The following DENND4A variants were observed in gnomAD, a reference collection of about 807,000 sequenced individuals.
DENND4A encodes the protein DENN domain containing 4A, also known as C-myc promoter-binding protein.
In DENND4A, 70 loss-of-function variants were observed where a neutral mutation model predicts 199.3. The ratio of observed to expected loss-of-function variants is 0.35; its 90% CI spans 0.29 to 0.43. The LOEUF is 0.43. Among genes scored for constraint, DENND4A ranks in the 20% least tolerant of loss-of-function variants. The pLI is 1.00. For synonymous variants in DENND4A, 686 were observed against 766.9 expected (o/e 0.89, Z 1.74); for missense variants, 1,723 against 2,255.8 (o/e 0.76, Z 4.78).
Position 65,702,393 on chromosome 15 carries a change from T to A in DENND4A, c.2342A>T (p.Lys781Ile). The change falls in exon 17 of 33, where the codon AAA becomes ATA. Residue 781 changes from lysine (K) to isoleucine (I), a missense_variant. Physicochemically the swap from Lys to Ile is moderately radical, Grantham distance 102 (BLOSUM62 -3). Around this residue, in one of 6 missense-constraint regions of DENND4A, gnomAD observed 725 missense variants for 952.9 expected, o/e 0.76. Transcript: ENST00000443035. Reference sequence around the variant, plus strand: ...AGCCCTGACTTTTGAATGACAGACTTTCACATAAGCTGGGAGACAAATAAA... The same window carrying A: ...AGCCCTGACTTTTGAATGACAGACTATCACATAAGCTGGGAGACAAATAAA... ...LWFICLPAYVKVCHSKVRALK... is the reference protein window; with the variant it reads ...LWFICLPAYVIVCHSKVRALK... 1.9e-6 allele frequency: 3 copies of A among 1,564,126 alleles called. No individual in the cohort carries two copies. Among genetic ancestry groups the A allele is most frequent in the Non-Finnish European group, 2.6e-6 (3 of 1,153,820 alleles).
chr15:65,761,513 T>G (rs2140756106), intron 1 of DENND4A, 75 bp from the exon 2 acceptor site: 1 of 152,356 alleles, frequency 6.6e-6, no homozygotes, highest in Admixed American at 6.5e-5. Context: ...CTGTGGATAC[T>G]TAAAGTTCTG....
At chr15:65,744,500 CAG>C (rs760287571) in intron 4 of DENND4A, among the ~76,000 whole-genome samples, 1 of 152,128 alleles carries the variant, frequency 6.6e-6, no homozygotes. Flanking sequence ...ATCATCTTAT[CAG>C]AGAGTCTTCC....
In DENND4A at chr15:65,702,374, G is replaced by C; in HGVS notation, c.2361C>G (p.Val787=). 2 of 1,556,218 alleles carry C rather than the reference G, an allele frequency of 1.3e-6. No homozygotes were observed. The highest frequency in any genetic ancestry group is 8.7e-7 in the Non-Finnish European group (1 of 1,149,522). ...PAYVKVCHSK[V]RALKTAYDVL... is the part of the protein sequence containing the mutation. ...CATCATATGCTGTTTTCAGAGCCCTGACTTTTGAATGACAGACTTTCACAT... is the reference window on the plus strand; with the variant it reads ...CATCATATGCTGTTTTCAGAGCCCTCACTTTTGAATGACAGACTTTCACAT... The change falls in exon 17 of 33, where the codon GTC becomes GTG. Residue 787 remains valine (V), a synonymous_variant. Transcript: ENST00000443035.
chr15:65,782,114 T>C (rs2077451017), intron 1 of DENND4A, among the ~76,000 whole-genome samples: 1 of 152,208 alleles, frequency 6.6e-6, no homozygotes, highest in African/African-American at 2.4e-5. Context: ...ACTGAGATAG[T>C]AGGTGACTGT....
chr15:65,757,268 G>C lies in DENND4A; in HGVS notation c.-22-796C>G, dbSNP rs144595944. The stretch of plus-strand genomic sequence containing the variant: ...TTGTTTTATTCTTCTGAGATGGGGG[G>C]GGGGGGGTCTCACTATGTTGCCCAG... On this transcript the variant is annotated intron_variant, in intron 2 of 32. Transcript: ENST00000443035. 6.2e-3 allele frequency among the ~76,000 whole-genome samples: 923 copies of C among 148,644 alleles called. 15 individuals carry two copies. The highest frequency in any genetic ancestry group is 0.021 in the Middle Eastern group (6 of 290).
chr15:65,670,438 G>T (rs903136162), intron 25 of DENND4A, among the ~76,000 whole-genome samples: 2 of 152,142 alleles, frequency 1.3e-5, no homozygotes, highest in Non-Finnish European at 2.9e-5. Context: ...AGAGTAAAAT[G>T]TGCTGTGGTT....
chr15:65,706,501 TA>T (rs2075061993), intron 14 of DENND4A, among the ~76,000 whole-genome samples: 1 of 138,562 alleles, frequency 7.2e-6, no homozygotes, highest in South Asian at 2.6e-4. Flanking sequence ...CACACATATA[TA>T]TATATATTTT....
chr15:65,667,528 C>G lies in DENND4A; in HGVS notation c.5162G>C (p.Trp1721Ser). ...HHPIVFWNLV[W>S]YFRRLDLPSN... is the part of the protein sequence containing the mutation. ...GGGCAAGTCAAGACGTCTGAAATAC[C>G]ATACCAGGTTCCAAAAAACAATTGG... The change falls in exon 29 of 33, where the codon TGG (tryptophan) becomes TCG (serine). Residue 1721 changes from tryptophan (W) to serine (S), a missense_variant. Trp to Ser is a radical substitution (Grantham distance 177). Coordinates refer to ENST00000443035, the MANE Select transcript of DENND4A (RefSeq NM_001320835.1). 6.2e-7 allele frequency: 1 copy of G among 1,613,892 alleles called. No individual in the cohort carries two copies. Among genetic ancestry groups the G allele is most frequent in the Non-Finnish European group, 8.5e-7 (1 of 1,179,848 alleles).
intron 14 of DENND4A, 80 bp downstream of exon 14, chr15:65,715,398 G>A (rs1392136404): frequency 2.3e-6 from 3 of 1,318,058 alleles, no homozygotes; most frequent in Non-Finnish European, 2.0e-6. Flanking sequence ...ATTAAAAGCT[G>A]TACATAGAAA....
intron 23 of DENND4A, 28 bp downstream of exon 23, chr15:65,690,386 TA>T (rs2076932147): frequency 6.5e-7 from 1 of 1,531,036 alleles, no homozygotes; most frequent in East Asian, 2.3e-5. Context: ...TGTGTGACAG[TA>T]AAAGTAGCAA....
intron 12 of DENND4A, among the ~76,000 whole-genome samples, chr15:65,722,290 C>T (rs984854154): frequency 7.9e-5 from 12 of 152,192 alleles, no homozygotes; most frequent in African/African-American, 2.9e-4. Context: ...CATGGTAAGA[C>T]CCTGTCTCTG....
At chr15:65,727,883 A>G (rs745804396) in intron 11 of DENND4A, 2 of 350,128 alleles carry the variant, frequency 5.7e-6, no homozygotes, top group Non-Finnish European at 1.1e-5. Flanking sequence ...ATTCAGTGCA[A>G]AGAAATGAAA....
At chr15:65,682,751 G>A (rs1189417518) in intron 23 of DENND4A, among the ~76,000 whole-genome samples, 1 of 152,120 alleles carries the variant, frequency 6.6e-6, no homozygotes, top group East Asian at 1.9e-4. Context: ...TGAAAAATGT[G>A]TGACTCGTCC....
At chr15:65,712,364 TA>T (rs902739391) in intron 14 of DENND4A, among the ~76,000 whole-genome samples, 11 of 152,278 alleles carry the variant, frequency 7.2e-5, no homozygotes, top group Non-Finnish European at 1.5e-4. Flanking sequence ...AAAACCCAGT[TA>T]AAGGCAAAAA....
At chr15:65,680,430 T>C (rs1438178375) in intron 23 of DENND4A, among the ~76,000 whole-genome samples, 2 of 152,244 alleles carry the variant, frequency 1.3e-5, no homozygotes, top group Non-Finnish European at 2.9e-5. Flanking sequence ...AATACAGATA[T>C]GTATTTTAAC....
rs2075815465 is a variant in DENND4A at position 65,660,403 on chromosome 15, T to C, written c.*1448A>G. ...CTCCAAGATACCTCCAGTCCAAGTG[T>C]CGTGGACTCTACTGGCTTTATACAC... On this transcript the variant is annotated 3_prime_UTR_variant, in exon 33 of 33. Coordinates refer to ENST00000443035, the MANE Select transcript of DENND4A (RefSeq NM_001320835.1). 3.1e-5 allele frequency: 33 copies of C among 1,049,752 alleles called. 1 individual carries two copies. In the South Asian group the frequency reaches 4.6e-4, roughly 14 times the overall value. 65.0% of individuals were successfully genotyped at this position (1,049,752 alleles called of 1,614,324 possible).
intron 23 of DENND4A, among the ~76,000 whole-genome samples, chr15:65,686,925 ACTCCTGGCTTCAAGCAATC>A (rs1157518656): frequency 6.6e-6 from 1 of 151,818 alleles, no homozygotes; most frequent in African/African-American, 2.4e-5. Flanking sequence ...CTGGTTTCAA[ACTCCTGGCTTCAAGCAATC>A]CTCCTGGCTT....
At chr15:65,716,313 T>C (rs1216501546) in intron 13 of DENND4A, among the ~76,000 whole-genome samples, 1 of 151,842 alleles carries the variant, frequency 6.6e-6, no homozygotes. Context: ...GTTACATATG[T>C]ATACATGTGC....
intron 1 of DENND4A, among the ~76,000 whole-genome samples, chr15:65,781,766 GGAGT>G (rs2077442081): frequency 6.6e-6 from 1 of 152,164 alleles, no homozygotes; most frequent in South Asian, 2.1e-4. Context: ...AATGGCCTGG[GGAGT>G]AATGGGTAGA....
Sources: gnomAD v4.1 joint callset for allele counts (sites outside exome capture counted in the v4.1 genomes callset) on GRCh38, gnomAD v4.1.1 for gene constraint, gnomAD v4.1.1 regional missense constraint, MANE v1.5 for transcripts, NCBI Gene and HGNC (gene_info 2026-07-23, HGNC 2026-07-21) for gene names.